CADM2: variants seen among roughly 807,000 people sequenced by gnomAD.
CADM2 encodes cell adhesion molecule 2.
CADM2 carries 12 observed loss-of-function variants against 49.8 expected under a neutral mutation model. The ratio of observed to expected loss-of-function variants is 0.24; its 90% confidence interval spans 0.15 to 0.39. The LOEUF is 0.39. Ranked by LOEUF, CADM2 falls within the 10% of genes least tolerant of loss-of-function variation. The pLI is 1.00. For synonymous variants in CADM2, 214 were observed against 175.4 expected (o/e 1.22, Z -1.74); for missense variants, 378 against 492.3 (o/e 0.77, Z 2.20).
chr3:85,834,522 A>C (rs2074321297), intron 3 of CADM2, among the ~76,000 whole-genome samples: 1 of 151,660 alleles, frequency 6.6e-6, no homozygotes, highest in Non-Finnish European at 1.5e-5. Flanking sequence ...GTGTTGTTAC[A>C]ATATATCAAA....
At chr3:85,683,144 T>G (rs1413129876) in intron 1 of CADM2, among the ~76,000 whole-genome samples, 1 of 152,086 alleles carries the variant, frequency 6.6e-6, no homozygotes, top group Non-Finnish European at 1.5e-5. Context: ...AATAAGTATA[T>G]GTGATCATAG....
chr3:85,865,895 G>T (rs1183395326), intron 3 of CADM2, among the ~76,000 whole-genome samples: 2 of 152,172 alleles, frequency 1.3e-5, no homozygotes, highest in Admixed American at 1.3e-4. Flanking sequence ...TGACATTTCA[G>T]TGAGAGTGGA....
In CADM2 at chr3:86,069,597, C is replaced by T. The variant is rs964693308; in HGVS notation, c.*2814C>T. 6.6e-6 allele frequency: 1 copy of T among 151,882 alleles called. No homozygotes were observed. The highest frequency in any genetic ancestry group is 2.4e-5 in the African/African-American group (1 of 41,418). 9.4% of individuals were successfully genotyped at this position (151,882 alleles called of 1,614,324 possible). On this transcript the variant is annotated 3_prime_UTR_variant, in exon 10 of 10. Transcript: ENST00000383699. ...TAATATTTCTAAATGAGAATGATGT[C>T]AATTTCATTGTCTGGAACATGCACA...
intron 1 of CADM2, among the ~76,000 whole-genome samples, chr3:85,067,632 T>C (rs1002251577): frequency 6.6e-6 from 1 of 152,124 alleles, no homozygotes; most frequent in Non-Finnish European, 1.5e-5. Context: ...CGAATGAGTC[T>C]TCTTTCTTTG....
chr3:85,277,066 A>G, intron 1 of CADM2, among the ~76,000 whole-genome samples: 1 of 151,440 alleles, frequency 6.6e-6, no homozygotes, highest in East Asian at 1.9e-4. Flanking sequence ...GAAAAATGAT[A>G]GAACATTGTT....
chr3:85,164,434 G>A (rs2040415003), intron 1 of CADM2, among the ~76,000 whole-genome samples: 1 of 152,068 alleles, frequency 6.6e-6, no homozygotes, highest in South Asian at 2.1e-4. Context: ...TATTTAGGCC[G>A]ATTTTTAACC....
intron 1 of CADM2, among the ~76,000 whole-genome samples, chr3:85,095,044 C>T (rs2037742342): frequency 6.6e-6 from 1 of 152,134 alleles, no homozygotes; most frequent in Admixed American, 6.6e-5. Context: ...AACTATTTAT[C>T]TTTTCTCAAT....
Position 86,065,742 on chromosome 3 carries a change from T to G in CADM2, c.1096+12T>G. ...GGCAAGGCATAAAGGTACGTTATAT[T>G]TAGCCAGAGTACACAATGTGGGCAA... On this transcript the variant is annotated intron_variant, in intron 9 of 9. Transcript: ENST00000383699. 1 of 1,612,514 alleles carries G rather than the reference T, an allele frequency of 6.2e-7. No homozygotes were observed. The highest frequency in any genetic ancestry group is 1.1e-5 in the South Asian group (1 of 90,854).
At chr3:85,679,097 TAACCA>T (rs2065967101) in intron 1 of CADM2, among the ~76,000 whole-genome samples, 1 of 151,760 alleles carries the variant, frequency 6.6e-6, no homozygotes, top group Non-Finnish European at 1.5e-5. Flanking sequence ...ATAAAATCAA[TAACCA>T]CAAAATTAAA....
intron 8 of CADM2, among the ~76,000 whole-genome samples, chr3:85,977,681 A>G (rs1051397367): frequency 2.0e-5 from 3 of 151,636 alleles, no homozygotes; most frequent in Admixed American, 1.3e-4. Context: ...TTCTTCATTT[A>G]TAATGTCGTT....
At chr3:85,198,442 G>T (rs2041401875) in intron 1 of CADM2, among the ~76,000 whole-genome samples, 4 of 145,736 alleles carry the variant, frequency 2.7e-5, no homozygotes, top group Admixed American at 6.9e-5. Context: ...TTCTTATGTT[G>T]GTCTCACCAC....
intron 8 of CADM2, among the ~76,000 whole-genome samples, chr3:85,971,857 G>A (rs1726188220): frequency 6.6e-6 from 1 of 151,546 alleles, no homozygotes; most frequent in Non-Finnish European, 1.5e-5. Context: ...ACATAGAACT[G>A]ACAGTTACCG....
At chr3:85,252,669 G>GA (rs1357582385) in intron 1 of CADM2, among the ~76,000 whole-genome samples, 1 of 151,910 alleles carries the variant, frequency 6.6e-6, no homozygotes, top group Non-Finnish European at 1.5e-5. Context: ...AGGGAGCAAT[G>GA]AAAAAACTAG....
At chr3:85,736,835 AG>A (rs767671160) in intron 2 of CADM2, among the ~76,000 whole-genome samples, 3 of 152,166 alleles carry the variant, frequency 2.0e-5, no homozygotes, top group Non-Finnish European at 4.4e-5. Context: ...CAAAGAGAAA[AG>A]GTGAATTGCC....
chr3:85,785,501 C>T lies in CADM2; in HGVS notation c.89-16546C>T, dbSNP rs140175804. ...TATTGTAGTTGCGGTGCCCACTTTG[C>T]TAGCATAGTAGCACAATTCTAGGTT... On this transcript the variant is annotated intron_variant, in intron 2 of 9. Coordinates refer to ENST00000383699, the MANE Select transcript of CADM2 (RefSeq NM_001167675.2). Among the ~76,000 whole-genome samples, 645 of 152,104 alleles carry T rather than the reference C, an allele frequency of 4.2e-3. 3 individuals are homozygous for T. The highest frequency in any genetic ancestry group is 6.2e-3 in the Non-Finnish European group (422 of 67,976).
At chr3:85,215,629 A>G (rs1008911104) in intron 1 of CADM2, among the ~76,000 whole-genome samples, 1 of 151,838 alleles carries the variant, frequency 6.6e-6, no homozygotes, top group Non-Finnish European at 1.5e-5. Context: ...CTGGATTTGA[A>G]CTCAGTACAG....
At chr3:85,913,935 A>T (rs1485724521) in intron 6 of CADM2, among the ~76,000 whole-genome samples, 2 of 152,124 alleles carry the variant, frequency 1.3e-5, no homozygotes, top group Non-Finnish European at 2.9e-5. Context: ...TTCTAGGAAT[A>T]GCAAGGGTGC....
At chr3:85,823,671 A>T (rs2073734623) in intron 3 of CADM2, among the ~76,000 whole-genome samples, 1 of 152,178 alleles carries the variant, frequency 6.6e-6, no homozygotes, top group Admixed American at 6.6e-5. Context: ...CATTTAATTT[A>T]CGAGAGCTAT....
At chr3:85,147,526 T>C (rs2039786385) in intron 1 of CADM2, among the ~76,000 whole-genome samples, 1 of 152,104 alleles carries the variant, frequency 6.6e-6, no homozygotes, top group South Asian at 2.1e-4. Context: ...CCATAATAAT[T>C]AATAACATTA....
Sources: gnomAD v4.1 joint callset for allele counts (sites outside exome capture counted in the v4.1 genomes callset) on GRCh38, gnomAD v4.1.1 for gene constraint, MANE v1.5 for transcripts, NCBI Gene and HGNC (gene_info 2026-07-23, HGNC 2026-07-21) for gene names.